The following GRIA2 variants were observed in gnomAD, a reference collection of about 807,000 sequenced individuals.
GRIA2 encodes glutamate receptor 2.
GRIA2 carries 14 observed loss-of-function variants against 97.3 expected under a neutral mutation model. The observed-to-expected ratio is 0.14, with a 90% CI of 0.10 to 0.23. GRIA2 has a LOEUF of 0.23. Among genes scored for constraint, GRIA2 ranks in the 10% least tolerant of loss-of-function variants. The probability of loss-of-function intolerance (pLI) is 1.00; values close to 1 mark genes in which losing one functional copy is unlikely to be tolerated. For synonymous variants in GRIA2, 412 were observed against 387.8 expected, an observed-to-expected ratio of 1.06 and a Z score of -0.73; for missense variants, 558 against 1,069.8, an observed-to-expected ratio of 0.52 and a Z score of 6.67.
At chr4:157,299,871 A>G (rs1387833404) in intron 2 of GRIA2, among the ~76,000 whole-genome samples, 10 of 152,196 alleles carry the variant, frequency 6.6e-5, no homozygotes, top group Admixed American at 6.5e-4. Context: ...CAAAACATAA[A>G]TGCAATTCTA....
intron 4 of GRIA2, among the ~76,000 whole-genome samples, chr4:157,315,574 C>T (rs546859782): frequency 7.9e-5 from 12 of 151,628 alleles, no homozygotes; most frequent in Middle Eastern, 3.4e-3. Flanking sequence ...CACAGATTCT[C>T]GCTCTGTCGC....
chr4:157,315,362 G>T, intron 4 of GRIA2, among the ~76,000 whole-genome samples: 1 of 148,736 alleles, frequency 6.7e-6, no homozygotes. Flanking sequence ...CAAAAAATGA[G>T]GATAAGGTAC....
At chr4:157,292,647 T>C (rs1473589764) in intron 2 of GRIA2, among the ~76,000 whole-genome samples, 2 of 152,030 alleles carry the variant, frequency 1.3e-5, no homozygotes, top group Non-Finnish European at 2.9e-5. Context: ...GGTAATCTAA[T>C]AGTAAAAAGA....
chr4:157,236,016 A>C (rs2126704816), intron 2 of GRIA2, among the ~76,000 whole-genome samples: 1 of 152,130 alleles, frequency 6.6e-6, no homozygotes, highest in African/African-American at 2.4e-5. Context: ...TATAATTTAA[A>C]CCTTGGTTAT....
chr4:157,355,925 A>T lies in GRIA2; in HGVS notation c.2044-3971A>T, dbSNP rs796872352. Among the ~76,000 whole-genome samples the T allele has an allele frequency of 1.4e-3, 81 of 57,336 alleles. 4 individuals are homozygous for T. In the East Asian group the frequency reaches 0.017, roughly 12 times the overall value. The allele number at this position is 57,336 out of a possible 152,430, so 37.6% of individuals were successfully genotyped here. A position where few individuals can be genotyped will look rare whatever the true frequency, so the allele number is the denominator to read the frequency against. ...TAAATATATATATATTAATATATTT[A>T]TATATATTTATATATTAATATATAT... On this transcript the variant is annotated intron_variant, in intron 12 of 15. Transcript: ENST00000264426.
chr4:157,273,016 A>G (rs558685063), intron 2 of GRIA2, among the ~76,000 whole-genome samples: 2 of 152,190 alleles, frequency 1.3e-5, no homozygotes, highest in East Asian at 3.9e-4. Flanking sequence ...TCAACCAACT[A>G]CAGATCAAAA....
At chr4:157,233,986 C>T (rs1251854455) in intron 2 of GRIA2, among the ~76,000 whole-genome samples, 3 of 152,078 alleles carry the variant, frequency 2.0e-5, no homozygotes, top group Non-Finnish European at 2.9e-5. Context: ...AAACCAGAGC[C>T]TCTATTGGTC....
chr4:157,278,744 A>T (rs1411208837), intron 2 of GRIA2, among the ~76,000 whole-genome samples: 3 of 151,974 alleles, frequency 2.0e-5, no homozygotes, highest in Non-Finnish European at 4.4e-5. Flanking sequence ...TATCTAAAAT[A>T]TGCAAAGAAC....
chr4:157,260,913 C>CACTT (rs1234095921), intron 2 of GRIA2, among the ~76,000 whole-genome samples: 1 of 151,998 alleles, frequency 6.6e-6, no homozygotes, highest in African/African-American at 2.4e-5. Context: ...TTAGCTCCCT[C>CACTT]ACTTACCATT....
chr4:157,342,265 G>C (rs1241138893), intron 12 of GRIA2: 1 of 982,854 alleles, frequency 1.0e-6, no homozygotes, highest in Non-Finnish European at 1.2e-6. Flanking sequence ...AGCTTATTCC[G>C]GAATTAGGAT....
intron 12 of GRIA2, among the ~76,000 whole-genome samples, chr4:157,356,169 A>T (rs937984087): frequency 6.2e-5 from 8 of 129,900 alleles, no homozygotes; most frequent in African/African-American, 1.8e-4. Context: ...ATATATATTT[A>T]TATATATTTA....
intron 12 of GRIA2, among the ~76,000 whole-genome samples, chr4:157,353,709 AAAC>A (rs972720065): frequency 8.6e-5 from 13 of 152,046 alleles, no homozygotes; most frequent in Non-Finnish European, 1.6e-4. Flanking sequence ...ACAAACAAAA[AAAC>A]AAAAAAACCT....
chr4:157,339,497 T>G (rs1030598732), intron 11 of GRIA2, among the ~76,000 whole-genome samples: 5 of 151,986 alleles, frequency 3.3e-5, no homozygotes, highest in African/African-American at 1.2e-4. Flanking sequence ...TTTTCACCTT[T>G]GAATTATTTA....
intron 2 of GRIA2, among the ~76,000 whole-genome samples, chr4:157,302,891 T>G (rs570226737): frequency 6.6e-6 from 1 of 152,270 alleles, no homozygotes; most frequent in African/African-American, 2.4e-5. Flanking sequence ...AATACTATAT[T>G]ATTATTTGTT....
chr4:157,322,714 A>T (rs925329843), intron 6 of GRIA2, among the ~76,000 whole-genome samples: 1 of 152,148 alleles, frequency 6.6e-6, no homozygotes, highest in Non-Finnish European at 1.5e-5. Flanking sequence ...TAAGAGCAAA[A>T]GTTGAAAAAT....
At chr4:157,260,834 C>T (rs945901753) in intron 2 of GRIA2, among the ~76,000 whole-genome samples, 1 of 151,872 alleles carries the variant, frequency 6.6e-6, no homozygotes, top group East Asian at 1.9e-4. Context: ...TTTCTTCCTT[C>T]TTTTTCTTCC....
intron 2 of GRIA2, among the ~76,000 whole-genome samples, chr4:157,233,785 T>C (rs372021087): frequency 6.6e-6 from 1 of 152,142 alleles, no homozygotes; most frequent in Non-Finnish European, 1.5e-5. Context: ...GCTTTATGTA[T>C]AATTTTTTTC....
chr4:157,249,753 T>C (rs1730941915), intron 2 of GRIA2: 1 of 152,174 alleles, frequency 6.6e-6, no homozygotes, highest in African/African-American at 2.4e-5. Flanking sequence ...TTGTAGACGC[T>C]AAGGATGTAT....
At chr4:157,285,711 C>G (rs1172257134) in intron 2 of GRIA2, among the ~76,000 whole-genome samples, 4 of 151,426 alleles carry the variant, frequency 2.6e-5, no homozygotes, top group South Asian at 4.1e-4. Context: ...GGCTTCTACG[C>G]TCTGTGTACT....
Sources: allele counts gnomAD v4.1 joint callset (sites outside exome capture counted in the v4.1 genomes callset), GRCh38; gene constraint gnomAD v4.1.1; transcripts MANE v1.5; gene names NCBI Gene and HGNC (gene_info 2026-07-23, HGNC 2026-07-21).